LRRC63: variants seen among roughly 807,000 people sequenced by gnomAD.
LRRC63 encodes leucine rich repeat containing 63.
Under a neutral mutation model 49.5 loss-of-function variants are expected in LRRC63, and 40 were observed. The observed-to-expected ratio is 0.81, with a 90% CI of 0.63 to 1.05. The LOEUF (loss-of-function observed/expected upper bound fraction) is 1.05. LRRC63 is among the 50% of genes least tolerant of loss of function. LRRC63 has a pLI of 0.00. For missense variants in LRRC63, 636 were observed against 663.1 expected (o/e 0.96, Z 0.45); for synonymous variants, 191 against 221.1 (o/e 0.86, Z 1.21).
intron 5 of LRRC63, among the ~76,000 whole-genome samples, chr13:46,236,427 A>G (rs2046906868): frequency 6.6e-6 from 1 of 152,172 alleles, no homozygotes; most frequent in African/African-American, 2.4e-5. Context: ...GCAGCAATCA[A>G]GAAGTGTTTT....
intron 6 of LRRC63, among the ~76,000 whole-genome samples, chr13:46,249,589 G>C (rs1201832211): frequency 6.6e-6 from 1 of 151,764 alleles, no homozygotes; most frequent in Non-Finnish European, 1.5e-5. Context: ...ATGGCTCCAT[G>C]ATCTTAAAAA....
chr13:46,272,800 C>T (rs1245001876), intron 9 of LRRC63, among the ~76,000 whole-genome samples: 1 of 152,122 alleles, frequency 6.6e-6, no homozygotes, highest in Non-Finnish European at 1.5e-5. Context: ...GAAAGTTGTC[C>T]AAGACATTTT....
intron 9 of LRRC63, chr13:46,270,263 A>G: frequency 3.4e-6 from 3 of 883,156 alleles, no homozygotes; most frequent in Middle Eastern, 2.2e-4. Context: ...TGGAAAAACA[A>G]TTAAAAGCAT....
chr13:46,228,774 T>TTTTA (rs1432894805), intron 4 of LRRC63, 41 bp downstream of exon 4: 1 of 1,309,148 alleles, frequency 7.6e-7, no homozygotes, highest in Non-Finnish European at 1.1e-6. Context: ...AAAATGTATG[T>TTTTA]AAGATTATAT....
At chr13:46,276,115 A>G (rs1189113297) in intron 9 of LRRC63, among the ~76,000 whole-genome samples, 1 of 152,116 alleles carries the variant, frequency 6.6e-6, no homozygotes, top group Non-Finnish European at 1.5e-5. Context: ...ATGGATTAAT[A>G]TTTTTTAACT....
chr13:46,227,933 A>G, exon 3 of LRRC63: 1 of 1,550,696 alleles, frequency 6.4e-7, no homozygotes, highest in Non-Finnish European at 8.7e-7. Context: ...TTATCGCTCA[A>G]AAACTTGAGA....
chr13:46,257,835 A>G (rs9595447), intron 7 of LRRC63, among the ~76,000 whole-genome samples: 12,071 of 152,228 alleles, frequency 0.079, 1,599 homozygotes, highest in African/African-American at 0.27. Flanking sequence ...GTGGCTAAGC[A>G]TTGTATTTAA....
intron 7 of LRRC63, among the ~76,000 whole-genome samples, chr13:46,257,664 T>G (rs1377756834): frequency 6.6e-6 from 1 of 151,972 alleles, no homozygotes; most frequent in Non-Finnish European, 1.5e-5. Context: ...AAAGTGGGGG[T>G]TTGTGATGTA....
At chr13:46,255,645 A>AAAAAAAAAAAAAAAAAAATAT (rs1555328641) in intron 7 of LRRC63, among the ~76,000 whole-genome samples, 1 of 129,466 alleles carries the variant, frequency 7.7e-6, no homozygotes, top group African/African-American at 2.9e-5. Context: ...CCCTGCCTCA[A>AAAAAAAAAAAAAAAAAAATAT]ATATATATAT....
At chr13:46,243,178 G>A (rs2047113768) in intron 5 of LRRC63, among the ~76,000 whole-genome samples, 1 of 152,168 alleles carries the variant, frequency 6.6e-6, no homozygotes, top group African/African-American at 2.4e-5. Context: ...ATATGTAGAA[G>A]GTGCTATTAA....
At chr13:46,234,400 T>G in intron 5 of LRRC63, 51 bp downstream of exon 5, 3 of 1,505,476 alleles carry the variant, frequency 2.0e-6, no homozygotes, top group Non-Finnish European at 2.7e-6. Context: ...TCAATTATTT[T>G]TGCTTTAAAT....
chr13:46,218,700 T>C (rs919542572), intron 2 of LRRC63, among the ~76,000 whole-genome samples: 1 of 152,222 alleles, frequency 6.6e-6, no homozygotes, highest in Non-Finnish European at 1.5e-5. Flanking sequence ...ATAGTGTTGA[T>C]GGTCTTTACA....
At chr13:46,232,442 T>C (rs2046791413) in intron 4 of LRRC63, among the ~76,000 whole-genome samples, 1 of 152,176 alleles carries the variant, frequency 6.6e-6, no homozygotes, top group African/African-American at 2.4e-5. Flanking sequence ...AAAAGATGGA[T>C]AATAGAGTTC....
rs2047338498 is a variant in LRRC63, at chr13:46,250,166, A to G, written c.1090-189A>G. 6 of 460,856 alleles carry G rather than the reference A, an allele frequency of 1.3e-5. No individual in the cohort carries two copies. The South Asian group carries it at 1.5e-4, about 11-fold the overall frequency. The allele number at this position is 460,856 out of a possible 1,614,324, so 28.5% of individuals were successfully genotyped here. On this transcript the variant is annotated intron_variant, in intron 6 of 9. Transcript: ENST00000595396. ...TACAGTGGTTGCACTATTTCACCAT[A>G]TCATACCTATTAATGCTGGTCACTT...
intron 2 of LRRC63, among the ~76,000 whole-genome samples, chr13:46,221,140 A>G (rs549528004): frequency 6.6e-6 from 1 of 152,354 alleles, no homozygotes; most frequent in East Asian, 1.9e-4. Context: ...GGCACATGGT[A>G]GGTGTTAAAT....
chr13:46,220,662 A>AC (rs2046380862), intron 2 of LRRC63, among the ~76,000 whole-genome samples: 1 of 151,638 alleles, frequency 6.6e-6, no homozygotes, highest in Non-Finnish European at 1.5e-5. Flanking sequence ...AAAAAAAAAA[A>AC]AAACTCCAGC....
At chr13:46,215,422 T>C (rs1164148202) in intron 2 of LRRC63, among the ~76,000 whole-genome samples, 1 of 152,118 alleles carries the variant, frequency 6.6e-6, no homozygotes, top group Non-Finnish European at 1.5e-5. Flanking sequence ...TTTTAAGAAG[T>C]GTCTGTTCAT....
chr13:46,233,403 A>G lies in LRRC63; in HGVS notation c.833-789A>G, dbSNP rs1052793292. Among the ~76,000 whole-genome samples the G allele has an allele frequency of 3.3e-5, 5 of 152,252 alleles. No individual in the cohort carries two copies. In the South Asian group the frequency reaches 1.0e-3, roughly 32 times the overall value. On this transcript the variant is annotated intron_variant, in intron 4 of 9. Coordinates refer to ENST00000595396, the Ensembl canonical transcript of LRRC63. ...GATCTGAAATGGGCACAGAGGTTCT[A>G]TTTTAGAAATTAAAAACCTTTTTTT...
At chr13:46,272,715 C>T (rs1375341438) in intron 9 of LRRC63, among the ~76,000 whole-genome samples, 1 of 152,152 alleles carries the variant, frequency 6.6e-6, no homozygotes, top group Non-Finnish European at 1.5e-5. Flanking sequence ...GGTAAAATAA[C>T]TTATGGCATA....
Sources: gnomAD v4.1 joint callset for allele counts (sites outside exome capture counted in the v4.1 genomes callset) on GRCh38, gnomAD v4.1.1 for gene constraint, MANE v1.5 for transcripts, NCBI Gene and HGNC (gene_info 2026-07-23, HGNC 2026-07-21) for gene names.